IGSF9: variants seen among roughly 807,000 people sequenced by gnomAD.
IGSF9 encodes immunoglobulin superfamily member 9, also known as protein turtle homolog A.
Under a neutral mutation model 121.7 loss-of-function variants are expected in IGSF9, and 87 were observed. The observed-to-expected ratio is 0.71, with a 90% CI of 0.60 to 0.85. IGSF9 has a LOEUF of 0.85. Among genes scored for constraint, IGSF9 ranks in the 40% least tolerant of loss-of-function variants. The pLI is 0.00. For synonymous variants in IGSF9, 640 were observed against 648.4 expected, an observed-to-expected ratio of 0.99 and a Z score of 0.20; for missense variants, 1,462 against 1,565.3, an observed-to-expected ratio of 0.93 and a Z score of 1.11.
intron 2 of IGSF9, 51 bp downstream of exon 2, chr1:159,943,346 T>C (rs771384462): frequency 2.7e-6 from 4 of 1,487,016 alleles, no homozygotes; most frequent in Non-Finnish European, 2.7e-6. Flanking sequence ...AACACCCCCA[T>C]ACCCACCCCA....
In IGSF9 at chr1:159,943,474, C is replaced by T; in HGVS notation, c.-20G>A. The T allele has an allele frequency of 1.3e-6, 2 of 1,539,994 alleles. No homozygotes were observed. The highest frequency in any genetic ancestry group is 1.7e-6 in the Non-Finnish European group (2 of 1,143,256). ...CACCATAGCCCAGCTGGCCTGCTCA[C>T]CCAGCCCCTCCTATCCACAGGAGCC... is the stretch of plus-strand genomic sequence containing the variant. On this transcript the variant is annotated 5_prime_UTR_variant, in exon 2 of 21. The change creates a new upstream start codon in the 5' untranslated region. Coordinates refer to ENST00000368094, the MANE Select transcript of IGSF9 (RefSeq NM_001135050.2).
Position 159,929,010 on chromosome 1 carries a change from A to G in IGSF9, c.2378T>C (p.Leu793Pro). The G allele has an allele frequency of 1.3e-6, 2 of 1,517,190 alleles. No homozygotes were observed. Among genetic ancestry groups the G allele is most frequent in the Non-Finnish European group, 1.8e-6 (2 of 1,134,660 alleles). 94.0% of individuals were successfully genotyped at this position (1,517,190 alleles called of 1,614,324 possible). The change falls in exon 19 of 21, where the codon CTG (leucine) becomes CCG (proline). Residue 793 changes from leucine to proline, a missense_variant. Coordinates refer to ENST00000368094, the MANE Select transcript of IGSF9 (RefSeq NM_001135050.2). ...PTGKSAAPSALGSGSPDSVAK... is the reference protein window; with the variant it reads ...PTGKSAAPSAPGSGSPDSVAK... ...CACGCTGTCAGGACTGCCTGAGCCC[A>G]GAGCAGAGCTGGGGAAGGACAGGAG...
chr1:159,941,469 G>A (rs999579919), intron 3 of IGSF9, among the ~76,000 whole-genome samples: 2 of 152,226 alleles, frequency 1.3e-5, no homozygotes, highest in East Asian at 3.8e-4. Flanking sequence ...ACAAAGGATA[G>A]GAGCAGACAG....
At position 159,930,416 on chromosome 1, in the gene IGSF9, G is replaced by A. The variant is rs775483264; in HGVS notation, c.1837C>T (p.Pro613Ser). ...GGTATCTCTGTTGGGGGAAGCCCGG[G>A]TGCAGCTGGCGTGGTAGGAAGCCCT... ...PEGLPTTPAAPGLPPTEIPPP... is the reference protein window; with the variant it reads ...PEGLPTTPAASGLPPTEIPPP... Residue 613 changes from proline (P) to serine (S), a missense_variant, in exon 15 of 21, where the codon CCC becomes TCC. Pro to Ser is a moderately conservative substitution (Grantham distance 74, BLOSUM62 -1). This residue lies in a region of IGSF9 where 808 missense variants were observed against 815.2 expected (regional missense o/e 0.99). Coordinates refer to ENST00000368094, the MANE Select transcript of IGSF9 (RefSeq NM_001135050.2). The A allele has an allele frequency of 6.5e-7, 1 of 1,545,180 alleles. No individual in the cohort carries two copies. Among genetic ancestry groups the A allele is most frequent in the Non-Finnish European group, 8.7e-7 (1 of 1,145,822 alleles).
rs562428723 is a variant in IGSF9 at position 159,931,794 on chromosome 1, C to G, written c.1362+18G>C. 6.6e-7 allele frequency: 1 copy of G among 1,518,264 alleles called. No homozygotes were observed. The highest frequency in any genetic ancestry group is 1.2e-5 in the South Asian group (1 of 80,428). 94.0% of individuals were successfully genotyped at this position (1,518,264 alleles called of 1,614,324 possible). A position where few individuals can be genotyped will look rare whatever the true frequency, so the allele number is the denominator to read the frequency against. ...GTAGTGGGCGTGGGTACAGGCAGAG[C>G]GGGCTCAGGAGCCTTACCTTGGTCC... On this transcript the variant is annotated intron_variant, in intron 11 of 20. Transcript: ENST00000368094. The surrounding 1 kb of genome is among the most constrained non-coding windows in gnomAD (Gnocchi z 4.8).
In IGSF9 at chr1:159,942,985, G is replaced by C; in HGVS notation, c.225C>G (p.Pro75=). The change falls in exon 3 of 21, where the codon CCC becomes CCG. Residue 75 remains proline (P), a synonymous_variant. Coordinates refer to ENST00000368094, the MANE Select transcript of IGSF9 (RefSeq NM_001135050.2). ...TACCCACGTAATCAGGGTCAATTCG[G>C]GGAGAGTAGAGGCCGAACTGGATGA... ...PIFIQFGLYS[P]RIDPDYVGRV... 6.2e-7 allele frequency: 1 copy of C among 1,613,344 alleles called. No individual in the cohort carries two copies. Among genetic ancestry groups the C allele is most frequent in the South Asian group, 1.1e-5 (1 of 90,960 alleles).
chr1:159,934,573 G>A lies in IGSF9; in HGVS notation c.816-3C>T. The A allele has an allele frequency of 3.7e-6, 6 of 1,613,662 alleles. No homozygotes were observed. The highest frequency in any genetic ancestry group is 4.2e-6 in the Non-Finnish European group (5 of 1,179,700). ...TCCGCACCCGGGGCTGCAGGCGGCTGCAATGTGGCATGTGTGAGGAGGGGT... is the reference window on the plus strand; with the variant it reads ...TCCGCACCCGGGGCTGCAGGCGGCTACAATGTGGCATGTGTGAGGAGGGGT... On this transcript the variant is annotated splice_polypyrimidine_tract_variant and splice_region_variant and intron_variant, in intron 7 of 20. Transcript: ENST00000368094.
Position 159,929,076 on chromosome 1 carries a change from C to T in IGSF9, c.2370-58G>A, listed in dbSNP as rs778695097. 15 of 1,487,986 alleles carry T rather than the reference C, an allele frequency of 1.0e-5. No individual in the cohort carries two copies. In the Middle Eastern group the frequency reaches 5.6e-4, roughly 56 times the overall value. 92.2% of individuals were successfully genotyped at this position (1,487,986 alleles called of 1,614,324 possible). On this transcript the variant is annotated intron_variant, in intron 18 of 20. Coordinates refer to ENST00000368094, the MANE Select transcript of IGSF9 (RefSeq NM_001135050.2). ...AGGGGCAGGTCCCCCTCCCAGGAGC[C>T]AGCGTCAGGCCTTGAGAGGTTTGGT...
chr1:159,932,141 G>A lies in IGSF9; in HGVS notation c.1246-213C>T, dbSNP rs765042672. On this transcript the variant is annotated intron_variant, in intron 10 of 20. Transcript: ENST00000368094. This position sits in a 1 kb window ranked among gnomAD's most constrained non-coding sequence, Gnocchi z 4.1. Reference sequence around the variant, plus strand: ...TGTTCCCCAGTGGGTAGGGGCTGGAGGAAAATGGTGGTGTAGTAAGGGCTG... The same window carrying A: ...TGTTCCCCAGTGGGTAGGGGCTGGAAGAAAATGGTGGTGTAGTAAGGGCTG... 1.8e-6 allele frequency: 1 copy of A among 569,742 alleles called. No homozygotes were observed. Among genetic ancestry groups the A allele is most frequent in the Non-Finnish European group, 3.1e-6 (1 of 323,548 alleles). 35.3% of individuals were successfully genotyped at this position (569,742 alleles called of 1,614,324 possible).
intron 1 of IGSF9, among the ~76,000 whole-genome samples, chr1:159,944,376 G>C (rs1651518347): frequency 6.6e-6 from 1 of 152,144 alleles, no homozygotes; most frequent in South Asian, 2.1e-4. Flanking sequence ...GATCCAGGCA[G>C]CATCCTCCAG....
intron 6 of IGSF9, 115 bp from the exon 7 acceptor site, chr1:159,934,937 T>TA: frequency 7.9e-7 from 1 of 1,269,512 alleles, no homozygotes; most frequent in Non-Finnish European, 1.1e-6. Flanking sequence ...GGCTCGTTGT[T>TA]ACAGGGCTTT....
rs748486544 is a variant in IGSF9 at position 159,937,845 on chromosome 1, G to T, written c.248-7C>A. 8 of 1,612,416 alleles carry T rather than the reference G, an allele frequency of 5.0e-6. 1 individual carries two copies. The highest frequency in any genetic ancestry group is 2.2e-5 in the South Asian group (2 of 90,924). ...TTCTGCAGCCGGACTCGTCCTGGGG[G>T]AGGAGCCCTGAATCAAGGGTGCTGA... On this transcript the variant is annotated splice_region_variant and splice_polypyrimidine_tract_variant and intron_variant, in intron 3 of 20. Transcript: ENST00000368094.
rs1472931252 is a variant in IGSF9 at position 159,929,675 on chromosome 1, G to A, written c.2289C>T (p.Arg763=). 1 of 1,595,882 alleles carries A rather than the reference G, an allele frequency of 6.3e-7. No homozygotes were observed. Among genetic ancestry groups the A allele is most frequent in the African/African-American group, 1.3e-5 (1 of 74,906 alleles). ...GCTTGCGGCGGCGGCGGGCAGCCCT[G>A]CGCCGGTTCAGGAGGCAGCCGGCCA... The part of the protein sequence containing the change: ...SILAGCLLNR[R]RAARRRRKRL... The change falls in exon 17 of 21, where the codon CGC becomes CGT. Residue 763 remains arginine (R), a synonymous_variant. Coordinates refer to ENST00000368094, the MANE Select transcript of IGSF9 (RefSeq NM_001135050.2).
Position 159,936,299 on chromosome 1 carries a change from C to G in IGSF9, c.673+100G>C, listed in dbSNP as rs1228405788. ...AGCTTCCACGGGCCCTGCCCTCAGGCACAAATCTCCCTCCTATCTTGCTGT... is the reference window on the plus strand; with the variant it reads ...AGCTTCCACGGGCCCTGCCCTCAGGGACAAATCTCCCTCCTATCTTGCTGT... On this transcript the variant is annotated intron_variant, in intron 6 of 20. Transcript: ENST00000368094. 18 of 1,071,830 alleles carry G rather than the reference C, an allele frequency of 1.7e-5. No individual in the cohort carries two copies. The South Asian group carries it at 2.2e-4, about 13-fold the overall frequency. 66.4% of individuals were successfully genotyped at this position (1,071,830 alleles called of 1,614,324 possible).
Position 159,927,349 on chromosome 1 carries a change from A to G in IGSF9, c.3536T>C (p.Leu1179Pro). 1 of 1,613,598 alleles carries G rather than the reference A, an allele frequency of 6.2e-7. No individual in the cohort carries two copies. Among genetic ancestry groups the G allele is most frequent in the South Asian group, 1.1e-5 (1 of 91,070 alleles). The change falls in exon 21 of 21, where the codon CTG (leucine) becomes CCG (proline). Residue 1179 changes from leucine (L) to proline (P), a missense_variant. Transcript: ENST00000368094. ...ACAGCCTCACATCAGGGATGTTCACAGCAGAGTGGCCTGTTCGGGGTGGGG... is the reference window on the plus strand; with the variant it reads ...ACAGCCTCACATCAGGGATGTTCACGGCAGAGTGGCCTGTTCGGGGTGGGG... ...PVPHPEQATLL is the reference protein window; with the variant it reads ...PVPHPEQATLP
chr1:159,932,568 G>A lies in IGSF9; in HGVS notation c.1189C>T (p.Pro397Ser), dbSNP rs1438880527. 6 of 1,613,976 alleles carry A rather than the reference G, an allele frequency of 3.7e-6. No homozygotes were observed. The African/African-American group carries it at 8.0e-5, about 22-fold the overall frequency. Residue 397 changes from proline (P) to serine (S), a missense_variant, in exon 10 of 21, where the codon CCC becomes TCC. Pro to Ser is a moderately conservative substitution (Grantham distance 74, BLOSUM62 -1). Transcript: ENST00000368094. The surrounding 1 kb of genome is among the most constrained non-coding windows in gnomAD (Gnocchi z 4.1). ...CCGGCGGTACCAAGACTGTTGTAGG[G>A]GGTGCAGGAGTATTCTCCCAGGGCA... is the stretch of plus-strand genomic sequence containing the variant. ...EDALGEYSCT[P>S]YNSLGTAGPS... is the part of the protein sequence containing the mutation.
chr1:159,937,767 C>G lies in IGSF9; in HGVS notation c.319G>C (p.Glu107Gln), dbSNP rs144005752. 5 of 1,613,976 alleles carry G rather than the reference C, an allele frequency of 3.1e-6. No individual in the cohort carries two copies. The African/African-American group carries it at 5.3e-5, about 17-fold the overall frequency. The change falls in exon 4 of 21, where the codon GAG becomes CAG. Residue 107 changes from glutamate (E) to glutamine (Q), a missense_variant. Glu to Gln is a conservative substitution (Grantham distance 29). Around this residue, in one of 3 missense-constraint regions of IGSF9, gnomAD observed 558 missense variants for 599.4 expected, o/e 0.93. Transcript: ENST00000368094. ...TGGTCCAGGAAGAACACGCGGCACT[C>G]GTACCAGCCCTGGTCTTCCACCCGG... ...GLRVEDQGWY[E>Q]CRVFFLDQHI... is the part of the protein sequence containing the mutation.
Position 159,927,288 on chromosome 1 carries a change from G to A in IGSF9, c.*57C>T. 1 of 1,601,332 alleles carries A rather than the reference G, an allele frequency of 6.2e-7. No individual in the cohort carries two copies. The highest frequency in any genetic ancestry group is 8.5e-7 in the Non-Finnish European group (1 of 1,170,874). On this transcript the variant is annotated 3_prime_UTR_variant, in exon 21 of 21. Coordinates refer to ENST00000368094, the MANE Select transcript of IGSF9 (RefSeq NM_001135050.2). ...CCTCGTTTGAAACTAGGTCTGTCTG[G>A]TTGGGGGCCTCCTTTGCAGGTCCAT...
chr1:159,942,266 G>A (rs566329229), intron 3 of IGSF9, among the ~76,000 whole-genome samples: 22 of 152,160 alleles, frequency 1.4e-4, no homozygotes, highest in Non-Finnish European at 2.6e-4. Context: ...AGCAGAAGGC[G>A]CCCAGGGAGG....
Sources: gnomAD v4.1 joint callset for allele counts (sites outside exome capture counted in the v4.1 genomes callset) on GRCh38, gnomAD v4.1.1 for gene constraint, gnomAD v4.1.1 regional missense constraint, Gnocchi (gnomAD v3.1) non-coding constraint, MANE v1.5 for transcripts, NCBI Gene and HGNC (gene_info 2026-07-23, HGNC 2026-07-21) for gene names.